Variants in MYO10 observed in about 807,000 individuals in gnomAD.
MYO10 encodes the protein unconventional myosin-X.
MYO10 carries 133 observed loss-of-function variants against 257.3 expected under a neutral mutation model. That is an observed-to-expected ratio of 0.52 (90% CI 0.45 to 0.60). The LOEUF is 0.60. Ranked by LOEUF, MYO10 falls within the 20% of genes least tolerant of loss-of-function variation. The pLI is 0.00. For synonymous variants in MYO10, 1,104 were observed against 1,028.6 expected, an observed-to-expected ratio of 1.07 and a Z score of -1.40; for missense variants, 2,399 against 2,635.7, an observed-to-expected ratio of 0.91 and a Z score of 1.97.
intron 2 of MYO10, among the ~76,000 whole-genome samples, chr5:16,877,171 G>A (rs1206967535): frequency 6.6e-6 from 1 of 152,140 alleles, no homozygotes; most frequent in East Asian, 1.9e-4. Flanking sequence ...CTCAGTCTAT[G>A]GTATTCTGTC....
intron 1 of MYO10, among the ~76,000 whole-genome samples, chr5:16,905,226 G>T (rs904029855): frequency 1.3e-5 from 2 of 152,146 alleles, no homozygotes; most frequent in Non-Finnish European, 2.9e-5. Flanking sequence ...CTGAAGGAAA[G>T]CACCTCCAAG....
chr5:16,816,041 A>T (rs1011266559), intron 3 of MYO10, among the ~76,000 whole-genome samples: 20 of 123,952 alleles, frequency 1.6e-4, no homozygotes, highest in East Asian at 6.7e-4. Context: ...TTCACAGTGT[A>T]AAAAAAAAAA....
At chr5:16,738,838 C>A (rs1220806205) in intron 19 of MYO10, among the ~76,000 whole-genome samples, 1 of 148,456 alleles carries the variant, frequency 6.7e-6, no homozygotes, top group African/African-American at 2.5e-5. Flanking sequence ...TTGCAGTGGG[C>A]CAGGTTTGCA....
chr5:16,705,456 GAT>G (rs1738287221), intron 21 of MYO10, among the ~76,000 whole-genome samples: 1 of 152,162 alleles, frequency 6.6e-6, no homozygotes, highest in African/African-American at 2.4e-5. Context: ...TTTTTGAAAA[GAT>G]ATGAAAATAC....
intron 2 of MYO10, among the ~76,000 whole-genome samples, chr5:16,833,915 T>C: frequency 6.6e-6 from 1 of 152,330 alleles, no homozygotes; most frequent in East Asian, 1.9e-4. Context: ...CTGTTATCAG[T>C]GATGTAATCT....
chr5:16,736,619 G>T (rs1394711940), intron 19 of MYO10, among the ~76,000 whole-genome samples: 1 of 152,188 alleles, frequency 6.6e-6, no homozygotes, highest in Non-Finnish European at 1.5e-5. Context: ...TCTAAGAGCT[G>T]CAACTCTGTA....
chr5:16,825,081 T>C (rs1489100873), intron 2 of MYO10, among the ~76,000 whole-genome samples: 2 of 152,230 alleles, frequency 1.3e-5, no homozygotes, highest in African/African-American at 2.4e-5. Context: ...GCATTAATTA[T>C]GGTCAAACAA....
chr5:16,837,880 G>T (rs974546377), intron 2 of MYO10, among the ~76,000 whole-genome samples: 1 of 151,118 alleles, frequency 6.6e-6, no homozygotes, highest in Non-Finnish European at 1.5e-5. Context: ...CTTCACATCC[G>T]TGTCATATTT....
At chr5:16,824,597 G>A (rs191149817) in intron 2 of MYO10, among the ~76,000 whole-genome samples, 9 of 152,270 alleles carry the variant, frequency 5.9e-5, no homozygotes, top group African/African-American at 1.9e-4. Flanking sequence ...AGCCGGGCGC[G>A]GTGGCTCACG....
chr5:16,818,425 T>TAC (rs1561000958), intron 2 of MYO10, among the ~76,000 whole-genome samples: 10 of 146,806 alleles, frequency 6.8e-5, no homozygotes, highest in African/African-American at 2.6e-4. Context: ...TATATATATA[T>TAC]ACACATATCT....
intron 19 of MYO10, among the ~76,000 whole-genome samples, chr5:16,725,330 G>A (rs974390284): frequency 6.6e-6 from 1 of 151,854 alleles, no homozygotes; most frequent in Non-Finnish European, 1.5e-5. Context: ...TCCTGACCTT[G>A]TGATCTGCCT....
At chr5:16,810,112 T>A (rs891950938) in intron 3 of MYO10, among the ~76,000 whole-genome samples, 4 of 152,090 alleles carry the variant, frequency 2.6e-5, no homozygotes, top group Non-Finnish European at 5.9e-5. Context: ...AACAGAAACC[T>A]CTCCTGCTCT....
chr5:16,757,327 C>G (rs1411752699), intron 18 of MYO10, among the ~76,000 whole-genome samples: 2 of 148,552 alleles, frequency 1.3e-5, no homozygotes, highest in African/African-American at 2.5e-5. Flanking sequence ...CACACACACA[C>G]ACACACACAC....
At chr5:16,882,000 C>T (rs1293120526) in intron 1 of MYO10, among the ~76,000 whole-genome samples, 2 of 152,200 alleles carry the variant, frequency 1.3e-5, no homozygotes, top group African/African-American at 4.8e-5. Context: ...TTGATCATAA[C>T]ATACACATTT....
At chr5:16,684,044 CT>C in intron 29 of MYO10, 109 bp from the exon 30 acceptor site, 1 of 958,548 alleles carries the variant, frequency 1.0e-6, no homozygotes, top group Non-Finnish European at 1.6e-6. Context: ...AGGCTCTTTT[CT>C]TTTTAACTTC....
chr5:16,884,815 C>T, intron 1 of MYO10, among the ~76,000 whole-genome samples: 1 of 152,054 alleles, frequency 6.6e-6, no homozygotes, highest in East Asian at 1.9e-4. Context: ...GTGCTATTGA[C>T]ATTGTGGACT....
intron 21 of MYO10, among the ~76,000 whole-genome samples, chr5:16,708,279 C>T (rs774709588): frequency 2.6e-5 from 4 of 152,194 alleles, no homozygotes; most frequent in Non-Finnish European, 2.9e-5. Flanking sequence ...TGTTTCCTTA[C>T]TCCTTTAAAA....
At chr5:16,732,401 C>G (rs1442051509) in intron 19 of MYO10, among the ~76,000 whole-genome samples, 1 of 152,204 alleles carries the variant, frequency 6.6e-6, no homozygotes, top group Non-Finnish European at 1.5e-5. Context: ...GCCCTTTTAT[C>G]TAGTGAACCT....
intron 25 of MYO10, chr5:16,699,786 CAAAAA>C (rs1203905060): frequency 1.1e-4 from 6 of 53,290 alleles, no homozygotes; most frequent in South Asian, 8.3e-4. Context: ...GCCTCAGTCT[CAAAAA>C]AAAAAAAAAA....
Sources: gnomAD v4.1 joint callset for allele counts (sites outside exome capture counted in the v4.1 genomes callset) on GRCh38, gnomAD v4.1.1 for gene constraint, MANE v1.5 for transcripts, NCBI Gene and HGNC (gene_info 2026-07-23, HGNC 2026-07-21) for gene names.